Variants in BDNF observed in about 807,000 individuals in gnomAD.
BDNF encodes the protein neurotrophic factor BDNF precursor form.
BDNF carries 1 observed loss-of-function variant against 19.5 expected under a neutral mutation model. The ratio of observed to expected loss-of-function variants is 0.05; its 90% CI spans 0.02 to 0.24. The LOEUF (loss-of-function observed/expected upper bound fraction) is 0.24. Among genes scored for constraint, BDNF ranks in the 10% least tolerant of loss-of-function variants. The pLI is 1.00. For missense variants in BDNF, 195 were observed against 317.6 expected (o/e 0.61, Z 2.93); for synonymous variants, 100 against 121.6 (o/e 0.82, Z 1.17).
chr11:27,716,590 CAT>C (rs1860524262), intron 1 of BDNF, among the ~76,000 whole-genome samples: 1 of 151,976 alleles, frequency 6.6e-6, no homozygotes, highest in Admixed American at 6.6e-5. Flanking sequence ...TTAAATTATC[CAT>C]AGAGTGAAAA....
intron 1 of BDNF, among the ~76,000 whole-genome samples, chr11:27,695,633 G>A (rs1407764206): frequency 2.0e-5 from 3 of 152,068 alleles, no homozygotes; most frequent in African/African-American, 4.8e-5. Context: ...ACTATATAAC[G>A]TTCCTTACTC....
At chr11:27,669,908 CTT>C (rs1250987735) in intron 1 of BDNF, among the ~76,000 whole-genome samples, 50 of 152,192 alleles carry the variant, frequency 3.3e-4, no homozygotes, top group Admixed American at 5.9e-4. Flanking sequence ...AAAAAAACTA[CTT>C]TAAAGTTCAT....
At chr11:27,688,676 C>G (rs937958046) in intron 1 of BDNF, among the ~76,000 whole-genome samples, 1 of 152,152 alleles carries the variant, frequency 6.6e-6, no homozygotes, top group East Asian at 1.9e-4. Context: ...TTCCCCTGAC[C>G]CCTTGCGCTT....
chr11:27,705,696 A>C (rs1284740141), intron 1 of BDNF, among the ~76,000 whole-genome samples: 1 of 152,176 alleles, frequency 6.6e-6, no homozygotes. Context: ...TTAATAGTGC[A>C]TGGTTGTGAA....
intron 1 of BDNF, chr11:27,699,422 G>A: frequency 1.2e-6 from 2 of 1,613,954 alleles, no homozygotes; most frequent in Non-Finnish European, 8.5e-7. Context: ...AGACTAACCC[G>A]AGTCAAGAAT....
chr11:27,657,325 C>T lies in BDNF; in HGVS notation c.*496G>A. On this transcript the variant is annotated 3_prime_UTR_variant, in exon 2 of 2. Coordinates refer to ENST00000356660, the MANE Select transcript of BDNF (RefSeq NM_001709.5). The surrounding 1 kb of genome is among the most constrained non-coding windows in gnomAD (Gnocchi z 5.0). ...AGCCAGTAAAGCAATGACAACAGCACCTTGACATTGTTTTAATTCCAACGC... is the reference window on the plus strand; with the variant it reads ...AGCCAGTAAAGCAATGACAACAGCATCTTGACATTGTTTTAATTCCAACGC... The T allele has an allele frequency of 1.0e-6, 1 of 995,090 alleles. No individual in the cohort carries two copies. Among genetic ancestry groups the T allele is most frequent in the Non-Finnish European group, 1.2e-6 (1 of 835,450 alleles). The allele number at this position is 995,090 out of a possible 1,614,324, so 61.6% of individuals were successfully genotyped here. A position where few individuals can be genotyped will look rare whatever the true frequency, so the allele number is the denominator to read the frequency against.
chr11:27,704,343 A>C (rs1460244713), upstream of BDNF, among the ~76,000 whole-genome samples: 3 of 152,200 alleles, frequency 2.0e-5, no homozygotes, highest in African/African-American at 7.2e-5. Flanking sequence ...GTCAGGAAGA[A>C]ATTTGAATTC....
chr11:27,677,484 C>T (rs376339268), intron 1 of BDNF: 61 of 144,540 alleles, frequency 4.2e-4, no homozygotes, highest in African/African-American at 1.4e-3. Flanking sequence ...TGCGGTGAGC[C>T]GAGATCGTGC....
intron 1 of BDNF, among the ~76,000 whole-genome samples, chr11:27,717,687 CCAT>C (rs754688703): frequency 6.6e-6 from 1 of 152,216 alleles, no homozygotes; most frequent in African/African-American, 2.4e-5. Context: ...CTTCTTCTCT[CCAT>C]CACCTTCTAG....
chr11:27,697,164 C>CAGAGAG (rs72348822), intron 1 of BDNF, among the ~76,000 whole-genome samples: 160 of 133,148 alleles, frequency 1.2e-3, no homozygotes, highest in South Asian at 4.8e-3. Flanking sequence ...CACACACACA[C>CAGAGAG]AGAGAGAGAG....
At chr11:27,662,762 C>T (rs1442432525) in intron 1 of BDNF, among the ~76,000 whole-genome samples, 1 of 152,192 alleles carries the variant, frequency 6.6e-6, no homozygotes, top group Admixed American at 6.5e-5. Flanking sequence ...GCTCAGATGG[C>T]AATGTTTGCT....
At chr11:27,719,364 G>T (rs916998704) in intron 1 of BDNF, 157 of 708,308 alleles carry the variant, frequency 2.2e-4, no homozygotes, top group Non-Finnish European at 2.6e-4. Context: ...TCCAGCCGCC[G>T]CACGGAGCTA....
intron 1 of BDNF, chr11:27,675,626 G>C (rs1855998901): frequency 6.6e-6 from 1 of 152,098 alleles, no homozygotes; most frequent in South Asian, 2.1e-4. Context: ...CCTATGCTAC[G>C]TGACTTGTGA....
chr11:27,680,046 A>G (rs1856642049), intron 1 of BDNF, among the ~76,000 whole-genome samples: 1 of 152,234 alleles, frequency 6.6e-6, no homozygotes, highest in African/African-American at 2.4e-5. Flanking sequence ...CAACTTGTCA[A>G]ACTTGCAGTT....
chr11:27,705,802 A>C (rs955696580), intron 1 of BDNF, among the ~76,000 whole-genome samples: 3 of 152,212 alleles, frequency 2.0e-5, no homozygotes, highest in Non-Finnish European at 2.9e-5. Flanking sequence ...TTCACTTCAT[A>C]GTTACAGTCA....
At chr11:27,695,408 TTA>T (rs1858864521) in intron 1 of BDNF, among the ~76,000 whole-genome samples, 1 of 152,220 alleles carries the variant, frequency 6.6e-6, no homozygotes, top group Admixed American at 6.5e-5. Flanking sequence ...CTATACTGTC[TTA>T]GTTTTAAGAA....
At chr11:27,697,132 C>T (rs1859116424) in intron 1 of BDNF, among the ~76,000 whole-genome samples, 1 of 142,674 alleles carries the variant, frequency 7.0e-6, no homozygotes, top group Non-Finnish European at 1.5e-5. Flanking sequence ...TACACACACG[C>T]GCACGTGCAC....
chr11:27,705,223 G>A (rs1312773184), upstream of BDNF, among the ~76,000 whole-genome samples: 1 of 152,178 alleles, frequency 6.6e-6, no homozygotes, highest in Admixed American at 6.5e-5. Context: ...TGGTCAAAAG[G>A]GATGTGAGAT....
chr11:27,674,227 G>A, intron 1 of BDNF: 2 of 1,596,478 alleles, frequency 1.3e-6, no homozygotes, highest in Non-Finnish European at 1.7e-6. Context: ...TCAGCATTCT[G>A]AGTAGTAACA....
Sources: gnomAD v4.1 joint callset for allele counts (sites outside exome capture counted in the v4.1 genomes callset) on GRCh38, gnomAD v4.1.1 for gene constraint, Gnocchi (gnomAD v3.1) non-coding constraint, MANE v1.5 for transcripts, NCBI Gene and HGNC (gene_info 2026-07-23, HGNC 2026-07-21) for gene names.